Variants in FGD6 observed in about 807,000 individuals in gnomAD.
The protein encoded by FGD6 is FYVE, RhoGEF and PH domain-containing protein 6.
In FGD6, 90 loss-of-function variants were observed where a neutral mutation model predicts 149.4. The ratio of observed to expected loss-of-function variants is 0.60; its 90% CI spans 0.51 to 0.72. The LOEUF is 0.72. Among genes scored for constraint, FGD6 ranks in the 30% least tolerant of loss-of-function variants. FGD6 has a pLI of 0.00. For synonymous variants in FGD6, 527 were observed against 584.0 expected (o/e 0.90, Z 1.41); for missense variants, 1,437 against 1,684.8 (o/e 0.85, Z 2.57).
At chr12:95,095,668 T>C (rs759487221) in intron 14 of FGD6, among the ~76,000 whole-genome samples, 1 of 151,664 alleles carries the variant, frequency 6.6e-6, no homozygotes, top group Non-Finnish European at 1.5e-5. Flanking sequence ...ATTGTGACTG[T>C]GTTAAAAAAA....
chr12:95,152,271 T>C (rs551064251), intron 5 of FGD6, among the ~76,000 whole-genome samples: 1 of 152,054 alleles, frequency 6.6e-6, no homozygotes, highest in Non-Finnish European at 1.5e-5. Flanking sequence ...AAGGCTGCAG[T>C]GAGCTAAGAT....
chr12:95,193,092 C>T (rs1881637342), intron 2 of FGD6, among the ~76,000 whole-genome samples: 1 of 152,182 alleles, frequency 6.6e-6, no homozygotes, highest in Non-Finnish European at 1.5e-5. Context: ...AACAGTTTGG[C>T]AGCTTCTTAT....
intron 2 of FGD6, among the ~76,000 whole-genome samples, chr12:95,188,922 A>G (rs924661646): frequency 2.0e-4 from 31 of 152,158 alleles, no homozygotes; most frequent in Non-Finnish European, 8.8e-5. Flanking sequence ...AAAGAAAAAA[A>G]TCTGGACATG....
At chr12:95,110,304 C>T (rs943384188) in intron 9 of FGD6, among the ~76,000 whole-genome samples, 1 of 150,946 alleles carries the variant, frequency 6.6e-6, no homozygotes, top group Non-Finnish European at 1.5e-5. Flanking sequence ...ATCATCATCA[C>T]TATTATTAAA....
At chr12:95,125,987 C>A in intron 8 of FGD6, 1 of 1,392,442 alleles carries the variant, frequency 7.2e-7, no homozygotes, top group Non-Finnish European at 1.0e-6. Flanking sequence ...TCCCACAAGC[C>A]TGGCAGAAGG....
At chr12:95,155,762 G>GGGATT (rs1489180157) in intron 3 of FGD6, among the ~76,000 whole-genome samples, 1 of 152,136 alleles carries the variant, frequency 6.6e-6, no homozygotes, top group Non-Finnish European at 1.5e-5. Context: ...ACTTAAAATA[G>GGGATT]GGATTTGCCA....
chr12:95,094,522 C>T, intron 15 of FGD6, 70 bp downstream of exon 15: 1 of 1,021,926 alleles, frequency 9.8e-7, no homozygotes, highest in East Asian at 2.4e-5. Flanking sequence ...CTTTCTTAAA[C>T]CCCTGTGAAA....
intron 2 of FGD6, among the ~76,000 whole-genome samples, chr12:95,199,756 C>T (rs1881823189): frequency 6.6e-6 from 1 of 151,968 alleles, no homozygotes; most frequent in African/African-American, 2.4e-5. Context: ...AGGCACGTGC[C>T]ACAACACCCA....
chr12:95,160,012 A>AG (rs1321137591), intron 3 of FGD6, among the ~76,000 whole-genome samples: 2 of 151,416 alleles, frequency 1.3e-5, no homozygotes, highest in Non-Finnish European at 2.9e-5. Context: ...GTCTCTTAAA[A>AG]AAAAAAAAAC....
At chr12:95,192,903 A>C (rs1169253468) in intron 2 of FGD6, among the ~76,000 whole-genome samples, 1 of 151,680 alleles carries the variant, frequency 6.6e-6, no homozygotes, top group Non-Finnish European at 1.5e-5. Flanking sequence ...TAGATGGGCA[A>C]TAAGATGATC....
intron 2 of FGD6, among the ~76,000 whole-genome samples, chr12:95,198,482 C>G (rs1881784329): frequency 6.6e-6 from 1 of 152,146 alleles, no homozygotes; most frequent in African/African-American, 2.4e-5. Context: ...CTCTGTCACC[C>G]AGGCTGGATT....
chr12:95,151,505 TG>T (rs1880308354), intron 5 of FGD6, among the ~76,000 whole-genome samples: 1 of 152,084 alleles, frequency 6.6e-6, no homozygotes, highest in Non-Finnish European at 1.5e-5. Context: ...TGACCTCAGG[TG>T]ATCTACCCGC....
At chr12:95,124,859 T>C (rs1351783615) in intron 8 of FGD6, among the ~76,000 whole-genome samples, 4 of 152,194 alleles carry the variant, frequency 2.6e-5, no homozygotes, top group Non-Finnish European at 1.5e-5. Flanking sequence ...ATTACAGTTG[T>C]GGCAGACATC....
At chr12:95,212,970 T>C (rs1240587978) in intron 1 of FGD6, among the ~76,000 whole-genome samples, 1 of 152,246 alleles carries the variant, frequency 6.6e-6, no homozygotes, top group Non-Finnish European at 1.5e-5. Flanking sequence ...AATAAAAAAT[T>C]ATTTTCAAAA....
chr12:95,119,284 A>G (rs1879115779), intron 8 of FGD6, among the ~76,000 whole-genome samples: 1 of 152,230 alleles, frequency 6.6e-6, no homozygotes, highest in Admixed American at 6.5e-5. Context: ...CCAAAATATC[A>G]TGAAACATAT....
chr12:95,209,435 G>A lies in FGD6; in HGVS notation c.1849C>T (p.Pro617Ser), dbSNP rs2056711304. 1 of 1,612,974 alleles carries A rather than the reference G, an allele frequency of 6.2e-7. No individual in the cohort carries two copies. The highest frequency in any genetic ancestry group is 8.5e-7 in the Non-Finnish European group (1 of 1,179,394). The change falls in exon 2 of 21, where the codon CCT becomes TCT. Residue 617 changes from proline to serine, a missense_variant. Pro to Ser is a moderately conservative substitution (Grantham distance 74). Transcript: ENST00000343958. ...TTTTTCTTTGTAGAGTCTTTGCAAG[G>A]CTTAGTGCACTTTTCCACATCCATA... ...SAMDVEKCTK[P>S]CKDSTKKNSF...
At chr12:95,104,887 TG>T in intron 14 of FGD6, 119 bp downstream of exon 14, 1 of 726,868 alleles carries the variant, frequency 1.4e-6, no homozygotes, top group Non-Finnish European at 2.2e-6. Context: ...CATTCCAGCC[TG>T]GGTGACAGAG....
chr12:95,099,369 G>A (rs11107894), intron 14 of FGD6, among the ~76,000 whole-genome samples: 2 of 152,196 alleles, frequency 1.3e-5, no homozygotes, highest in Admixed American at 6.5e-5. Flanking sequence ...GGAGCATGCA[G>A]TGTGTTGGTG....
chr12:95,140,567 C>T (rs754377241), intron 6 of FGD6, among the ~76,000 whole-genome samples: 4 of 151,734 alleles, frequency 2.6e-5, no homozygotes, highest in African/African-American at 4.8e-5. Flanking sequence ...CAGTGAGCTG[C>T]GATCGTGCCA....
Sources: gnomAD v4.1 joint callset for allele counts (sites outside exome capture counted in the v4.1 genomes callset) on GRCh38, gnomAD v4.1.1 for gene constraint, MANE v1.5 for transcripts, NCBI Gene and HGNC (gene_info 2026-07-23, HGNC 2026-07-21) for gene names.